The following CPT1A variants were observed in gnomAD, a reference collection of about 807,000 sequenced individuals.
The protein encoded by CPT1A is carnitine O-palmitoyltransferase 1, liver isoform.
CPT1A carries 64 observed loss-of-function variants against 100.8 expected under a neutral mutation model. The observed-to-expected ratio is 0.63, with a 90% CI of 0.52 to 0.78. The LOEUF (loss-of-function observed/expected upper bound fraction) is 0.78, where lower values mean the gene tolerates loss of function less well. CPT1A is among the 30% of genes least tolerant of loss of function. CPT1A has a pLI of 0.00. For synonymous variants in CPT1A, 363 were observed against 396.0 expected (o/e 0.92, Z 0.99); for missense variants, 802 against 1,034.1 (o/e 0.78, Z 3.08).
chr11:68,761,519 A>C lies in CPT1A; in HGVS notation c.2028+16T>G. ...TCTAGCCAATACAACTGACGGAAGA[A>C]GTGGAAGAGACTTACTTCCTTAAGG... is the stretch of plus-strand genomic sequence containing the variant. On this transcript the variant is annotated intron_variant, in intron 16 of 18. Coordinates refer to ENST00000265641, the MANE Select transcript of CPT1A (RefSeq NM_001876.4). 1 of 1,613,580 alleles carries C rather than the reference A, an allele frequency of 6.2e-7. No individual in the cohort carries two copies. Among genetic ancestry groups the C allele is most frequent in the Non-Finnish European group, 8.5e-7 (1 of 1,179,536 alleles).
At chr11:68,794,464 G>A (rs1279472307) in intron 8 of CPT1A, among the ~76,000 whole-genome samples, 4 of 152,088 alleles carry the variant, frequency 2.6e-5, no homozygotes, top group Non-Finnish European at 5.9e-5. Flanking sequence ...AGGCTAGAGT[G>A]CAATGGTGTT....
rs1275770675 is a variant in CPT1A, at chr11:68,784,851, C to T, written c.1127G>A (p.Gly376Glu). Residue 376 changes from glycine (G) to glutamate (E), a missense_variant, in exon 10 of 19, where the codon GGG becomes GAG. Physicochemically the swap from Gly to Glu is moderately conservative, Grantham distance 98. Transcript: ENST00000265641. ...ILDNTSEPQP[G>E]EARLAALTAG... ...GGTGAGGGCTGCCAGCCTGGCCTCCCCGGGCTGAGGCTCCGAGGTATTGTC... is the reference window on the plus strand; with the variant it reads ...GGTGAGGGCTGCCAGCCTGGCCTCCTCGGGCTGAGGCTCCGAGGTATTGTC... 1 of 1,612,904 alleles carries T rather than the reference C, an allele frequency of 6.2e-7. No individual in the cohort carries two copies. The highest frequency in any genetic ancestry group is 1.1e-5 in the South Asian group (1 of 91,086).
At position 68,785,636 on chromosome 11, in the gene CPT1A, C is replaced by T. The variant is rs561528638; in HGVS notation, c.968-626G>A. ...AAAAAAAAAAAAACAAATTACCCAA[C>T]CCTCCCTAAGCCTCTCCTCAGTAAA... is the stretch of plus-strand genomic sequence containing the variant. On this transcript the variant is annotated intron_variant, in intron 9 of 18. Coordinates refer to ENST00000265641, the MANE Select transcript of CPT1A (RefSeq NM_001876.4). The T allele has an allele frequency of 9.0e-5, 13 of 143,972 alleles. No homozygotes were observed. In the East Asian group the frequency reaches 2.7e-3, roughly 30 times the overall value. 8.9% of individuals were successfully genotyped at this position (143,972 alleles called of 1,614,324 possible). A position where few individuals can be genotyped will look rare whatever the true frequency, so the allele number is the denominator to read the frequency against.
In CPT1A at chr11:68,780,561, G is replaced by C. The variant is rs182458254; in HGVS notation, c.1458+79C>G. ...GGCCTCCCAAAGTGCTGGGATTACA[G>C]GTGTGCGCCACTGCGCCTGGCCAGG... On this transcript the variant is annotated intron_variant, in intron 12 of 18. Coordinates refer to ENST00000265641, the MANE Select transcript of CPT1A (RefSeq NM_001876.4). 7 of 1,247,032 alleles carry C rather than the reference G, an allele frequency of 5.6e-6. No homozygotes were observed. The East Asian group carries it at 1.7e-4, about 29-fold the overall frequency. The allele number at this position is 1,247,032 out of a possible 1,614,324, so 77.2% of individuals were successfully genotyped here.
intron 4 of CPT1A, among the ~76,000 whole-genome samples, chr11:68,805,836 G>C (rs1169008078): frequency 6.6e-6 from 1 of 152,144 alleles, no homozygotes; most frequent in African/African-American, 2.4e-5. Context: ...ACCCAGGTTG[G>C]GCTTGAGGTG....
intron 1 of CPT1A, among the ~76,000 whole-genome samples, chr11:68,827,204 G>C (rs928497842): frequency 5.3e-5 from 8 of 152,038 alleles, no homozygotes; most frequent in African/African-American, 1.9e-4. Context: ...GCGGTGGTGA[G>C]CACCTGTAGT....
At chr11:68,781,693 G>T in intron 11 of CPT1A, 78 bp downstream of exon 11, 2 of 1,157,758 alleles carry the variant, frequency 1.7e-6, no homozygotes, top group South Asian at 1.2e-5. Flanking sequence ...AGATACTTAG[G>T]GGTGAGTGTC....
Position 68,839,719 on chromosome 11 carries a change from G to T in CPT1A, c.-14+2056C>A, listed in dbSNP as rs555698092. Reference sequence around the variant, plus strand: ...TCACTGTGAAGCCTCAGTGAAAACTGACGGTGTTTTTATGAATGAGCACTC... The same window carrying T: ...TCACTGTGAAGCCTCAGTGAAAACTTACGGTGTTTTTATGAATGAGCACTC... On this transcript the variant is annotated intron_variant, in intron 1 of 18. Coordinates refer to ENST00000265641, the MANE Select transcript of CPT1A (RefSeq NM_001876.4). 20 of 985,468 alleles carry T rather than the reference G, an allele frequency of 2.0e-5. No homozygotes were observed. In the South Asian group the frequency reaches 8.0e-4, roughly 39 times the overall value. The allele number at this position is 985,468 out of a possible 1,614,324, so 61.0% of individuals were successfully genotyped here. A position where few individuals can be genotyped will look rare whatever the true frequency, so the allele number is the denominator to read the frequency against.
chr11:68,791,667 G>A (rs2153999364), intron 9 of CPT1A, among the ~76,000 whole-genome samples: 1 of 152,262 alleles, frequency 6.6e-6, no homozygotes, highest in African/African-American at 2.4e-5. Context: ...CTCCCAAGTA[G>A]CTGGGATTAC....
Position 68,760,624 on chromosome 11 carries a change from C to T in CPT1A, c.2029-286G>A, listed in dbSNP as rs549356826. Among the ~76,000 whole-genome samples the T allele has an allele frequency of 9.9e-5, 15 of 152,258 alleles. No homozygotes were observed. In the South Asian group the frequency reaches 1.7e-3, roughly 17 times the overall value. ...CAGATATATGGAGTAAGATTCGGAA[C>T]GGGGACAGAGGTGTCAGACTTGTAC... On this transcript the variant is annotated intron_variant, in intron 16 of 18. Transcript: ENST00000265641.
At chr11:68,791,884 G>A (rs755209788) in intron 9 of CPT1A, among the ~76,000 whole-genome samples, 2 of 152,150 alleles carry the variant, frequency 1.3e-5, no homozygotes, top group African/African-American at 4.8e-5. Context: ...GAGGAAAGGG[G>A]AGAATCTGCT....
intron 9 of CPT1A, among the ~76,000 whole-genome samples, chr11:68,791,552 T>C (rs907793428): frequency 6.6e-6 from 1 of 152,226 alleles, no homozygotes; most frequent in Non-Finnish European, 1.5e-5. Context: ...TTTTGTTTTT[T>C]TGAGATGAAG....
intron 3 of CPT1A, 121 bp downstream of exon 3, chr11:68,812,316 C>A (rs943323232): frequency 5.1e-6 from 7 of 1,381,372 alleles, no homozygotes; most frequent in Non-Finnish European, 7.2e-6. Flanking sequence ...GACGTGAGAA[C>A]AGCATCAGGA....
At chr11:68,838,819 T>G (rs1857087141) in intron 1 of CPT1A, among the ~76,000 whole-genome samples, 1 of 152,274 alleles carries the variant, frequency 6.6e-6, no homozygotes, top group East Asian at 1.9e-4. Flanking sequence ...CCTCCCACCT[T>G]GGCCTCCCAA....
rs567956294 is a variant in CPT1A at position 68,797,050 on chromosome 11, G to A, written c.694-117C>T. ...CAGTGCTTTTGGCAGACATTTCGGC[G>A]TCTAACAGGGGCCATTCCAGAACAG... is the stretch of plus-strand genomic sequence containing the variant. On this transcript the variant is annotated intron_variant, in intron 6 of 18. Coordinates refer to ENST00000265641, the MANE Select transcript of CPT1A (RefSeq NM_001876.4). 5.2e-5 allele frequency: 47 copies of A among 902,526 alleles called. No homozygotes were observed. The Middle Eastern group carries it at 6.6e-4, about 13-fold the overall frequency. 55.9% of individuals were successfully genotyped at this position (902,526 alleles called of 1,614,324 possible).
intron 5 of CPT1A, among the ~76,000 whole-genome samples, chr11:68,801,428 G>A (rs909818040): frequency 3.0e-4 from 46 of 151,738 alleles, no homozygotes; most frequent in Admixed American, 1.8e-3. Flanking sequence ...TCAGGAGCTC[G>A]AGACCAGCCT....
At chr11:68,803,898 C>G in intron 5 of CPT1A, 102 bp downstream of exon 5, 1 of 906,242 alleles carries the variant, frequency 1.1e-6, no homozygotes, top group Non-Finnish European at 1.8e-6. Flanking sequence ...CCGCTGAAGG[C>G]TACTTGAGCC....
At position 68,812,496 on chromosome 11, in the gene CPT1A, G is replaced by A. The variant is rs398123654; in HGVS notation, c.222C>T (p.Tyr74=). ...IVVVGVMTTM[Y]AKIDPSLGII... ...TTCCTAACGAGGGGTCGATCTTGGC[G>A]TACATCGTTGTCATCACGCCCACCA... Residue 74 remains tyrosine, a synonymous_variant, in exon 3 of 19, where the codon TAC becomes TAT. Transcript: ENST00000265641. The A allele has an allele frequency of 1.6e-5, 26 of 1,614,150 alleles. No homozygotes were observed. The highest frequency in any genetic ancestry group is 3.3e-4 in the Middle Eastern group (2 of 6,062).
rs1946718785 is a variant in CPT1A, at chr11:68,757,738, G to A, written c.2236-8C>T. 6.2e-7 allele frequency: 1 copy of A among 1,613,368 alleles called. No individual in the cohort carries two copies. ...TCCAAAGCGATGAGAATCCTTTCAT[G>A]TAAAAACAAAAACCAAAAACCTATT... On this transcript the variant is annotated splice_polypyrimidine_tract_variant and splice_region_variant and intron_variant, in intron 18 of 18. Coordinates refer to ENST00000265641, the MANE Select transcript of CPT1A (RefSeq NM_001876.4).
Sources: gnomAD v4.1 joint callset for allele counts (sites outside exome capture counted in the v4.1 genomes callset) on GRCh38, gnomAD v4.1.1 for gene constraint, MANE v1.5 for transcripts, NCBI Gene and HGNC (gene_info 2026-07-23, HGNC 2026-07-21) for gene names.